Variants in BACH2 observed in about 807,000 individuals in gnomAD.
BACH2 encodes transcription regulator protein BACH2.
In BACH2, 5 loss-of-function variants were observed where a neutral mutation model predicts 61.8. That is an observed-to-expected ratio of 0.08 (90% CI 0.04 to 0.17). BACH2 has a LOEUF of 0.17. Ranked by LOEUF, BACH2 falls within the 10% of genes least tolerant of loss-of-function variation. BACH2 has a pLI of 1.00. For missense variants in BACH2, 824 were observed against 1,091.1 expected, an observed-to-expected ratio of 0.76 and a Z score of 3.45; for synonymous variants, 446 against 440.1, an observed-to-expected ratio of 1.01 and a Z score of -0.17.
chr6:90,160,153 C>A (rs979506184), intron 4 of BACH2, among the ~76,000 whole-genome samples: 7 of 152,180 alleles, frequency 4.6e-5, no homozygotes, highest in Non-Finnish European at 8.8e-5. Context: ...AAAGAGCAGT[C>A]CATCATCTCT....
intron 4 of BACH2, among the ~76,000 whole-genome samples, chr6:90,183,442 A>C (rs1768236162): frequency 6.6e-6 from 1 of 152,218 alleles, no homozygotes. Flanking sequence ...TAACATGCCT[A>C]ATAACATTTA....
At chr6:89,989,612 C>A (rs1371963196) in intron 6 of BACH2, among the ~76,000 whole-genome samples, 1 of 152,098 alleles carries the variant, frequency 6.6e-6, no homozygotes, top group Non-Finnish European at 1.5e-5. Flanking sequence ...GTCCTCCTGG[C>A]AGGTGGGCTC....
chr6:90,025,066 C>T (rs959313900), intron 5 of BACH2, among the ~76,000 whole-genome samples: 1 of 152,148 alleles, frequency 6.6e-6, no homozygotes, highest in African/African-American at 2.4e-5. Context: ...TGGGATTTAA[C>T]AATAGCATGG....
At chr6:90,123,491 C>A (rs1263962894) in intron 4 of BACH2, among the ~76,000 whole-genome samples, 3 of 150,270 alleles carry the variant, frequency 2.0e-5, no homozygotes, top group African/African-American at 7.4e-5. Context: ...CCGGTGGGGG[C>A]CGGGCGCGGT....
At chr6:90,204,650 T>C (rs557062241) in intron 4 of BACH2, among the ~76,000 whole-genome samples, 1 of 152,234 alleles carries the variant, frequency 6.6e-6, no homozygotes, top group African/African-American at 2.4e-5. Context: ...TGGAGAAACT[T>C]AGGGCGGAGC....
chr6:90,078,364 C>T (rs1331712624), intron 5 of BACH2, among the ~76,000 whole-genome samples: 3 of 152,112 alleles, frequency 2.0e-5, no homozygotes, highest in Non-Finnish European at 4.4e-5. Context: ...ATGCTCAACA[C>T]AGCACTAATC....
intron 5 of BACH2, among the ~76,000 whole-genome samples, chr6:90,079,666 A>T (rs2127804446): frequency 6.6e-6 from 1 of 152,220 alleles, no homozygotes; most frequent in East Asian, 1.9e-4. Context: ...CAAACCAGTC[A>T]TCAGAATTAA....
chr6:90,036,865 TCCCA>T (rs1779288761), intron 5 of BACH2, among the ~76,000 whole-genome samples: 1 of 152,114 alleles, frequency 6.6e-6, no homozygotes, highest in Non-Finnish European at 1.5e-5. Context: ...TTATACTCCA[TCCCA>T]GTCATTCCCC....
At chr6:90,037,521 T>A (rs373636146) in intron 5 of BACH2, among the ~76,000 whole-genome samples, 2 of 152,196 alleles carry the variant, frequency 1.3e-5, no homozygotes, top group Admixed American at 1.3e-4. Flanking sequence ...ATTGTCAAGG[T>A]GCTAACACTC....
intron 4 of BACH2, among the ~76,000 whole-genome samples, chr6:90,165,093 G>GTA (rs1767562720): frequency 6.6e-6 from 1 of 152,132 alleles, no homozygotes; most frequent in East Asian, 1.9e-4. Context: ...GAAATAAAGG[G>GTA]TATTCAATTA....
intron 7 of BACH2, among the ~76,000 whole-genome samples, chr6:89,941,728 CT>C (rs1193258360): frequency 1.3e-5 from 2 of 152,132 alleles, no homozygotes; most frequent in Non-Finnish European, 2.9e-5. Context: ...GCTTTGGGGG[CT>C]TGTGGAGTTT....
chr6:89,948,211 TTTTA>T (rs997190422), intron 7 of BACH2, among the ~76,000 whole-genome samples: 16 of 152,078 alleles, frequency 1.1e-4, no homozygotes, highest in African/African-American at 2.9e-4. Flanking sequence ...ATGGCCAGCC[TTTTA>T]TTTTTTTTTG....
At chr6:90,114,211 T>C (rs1287529178) in intron 4 of BACH2, among the ~76,000 whole-genome samples, 1 of 151,662 alleles carries the variant, frequency 6.6e-6, no homozygotes, top group Non-Finnish European at 1.5e-5. Context: ...AGAGATACAC[T>C]AAAAAAGAAA....
chr6:90,246,463 C>T (rs1048595637), intron 3 of BACH2, among the ~76,000 whole-genome samples: 1 of 152,020 alleles, frequency 6.6e-6, no homozygotes, highest in Admixed American at 6.6e-5. Context: ...AACAGATTTC[C>T]ATACAAAAGA....
intron 4 of BACH2, among the ~76,000 whole-genome samples, chr6:90,092,291 A>AAAAAAAAAAAAAATATATATAT: frequency 1.1e-4 from 13 of 113,812 alleles, no homozygotes; most frequent in African/African-American, 3.6e-4. Context: ...AAAAAAAAAA[A>AAAAAAAAAAAAAATATATATAT]ATATATATAT....
chr6:89,982,141 G>T (rs1775991426), intron 6 of BACH2, among the ~76,000 whole-genome samples: 2 of 151,990 alleles, frequency 1.3e-5, no homozygotes, highest in African/African-American at 4.8e-5. Flanking sequence ...TGGCCAAAAA[G>T]ATATTTCTTA....
chr6:90,211,463 A>G (rs559786271), intron 3 of BACH2, among the ~76,000 whole-genome samples: 25 of 152,292 alleles, frequency 1.6e-4, no homozygotes, highest in African/African-American at 5.8e-4. Flanking sequence ...ATCAACCTCC[A>G]TCTACCATGG....
At chr6:90,204,580 G>A (rs927046425) in intron 4 of BACH2, among the ~76,000 whole-genome samples, 6 of 152,154 alleles carry the variant, frequency 3.9e-5, no homozygotes, top group Non-Finnish European at 7.3e-5. Context: ...CATTTCCGAG[G>A]AGTCTGGTTC....
At chr6:89,989,540 A>C (rs9451308) in intron 6 of BACH2, among the ~76,000 whole-genome samples, 28,863 of 151,910 alleles carry the variant, frequency 0.19, 3,239 homozygotes, top group African/African-American at 0.32. Context: ...GAAAGGGAGT[A>C]TCCTGGGATA....
Sources: gnomAD v4.1 joint callset for allele counts (sites outside exome capture counted in the v4.1 genomes callset) on GRCh38, gnomAD v4.1.1 for gene constraint, MANE v1.5 for transcripts, NCBI Gene and HGNC (gene_info 2026-07-23, HGNC 2026-07-21) for gene names.